UHRF2: variants seen among roughly 807,000 people sequenced by gnomAD.
UHRF2 encodes the protein ubiquitin like with PHD and ring finger domains 2.
A neutral mutation model predicts 96.8 loss-of-function variants in UHRF2; 23 were observed. That is an observed-to-expected ratio of 0.24 (90% CI 0.17 to 0.34). The LOEUF (loss-of-function observed/expected upper bound fraction) is 0.34, where lower values mean the gene tolerates loss of function less well. Among genes scored for constraint, UHRF2 ranks in the 10% least tolerant of loss-of-function variants. The probability of loss-of-function intolerance (pLI) is 1.00; values close to 1 mark genes in which losing one functional copy is unlikely to be tolerated. For missense variants in UHRF2, 685 were observed against 981.5 expected (o/e 0.70, Z 4.04); for synonymous variants, 385 against 332.6 (o/e 1.16, Z -1.72).
intron 5 of UHRF2, 110 bp downstream of exon 5, chr9:6,475,610 A>C (rs1439228354): frequency 4.2e-6 from 2 of 478,888 alleles, no homozygotes; most frequent in Non-Finnish European, 7.1e-6. Flanking sequence ...TAGACCATAC[A>C]AATTTATTTT....
intron 8 of UHRF2, among the ~76,000 whole-genome samples, chr9:6,483,136 G>A (rs1310928971): frequency 3.3e-5 from 5 of 151,560 alleles, no homozygotes; most frequent in African/African-American, 9.7e-5. Flanking sequence ...AACCAGCCTC[G>A]CCAACATGGT....
chr9:6,484,036 T>C (rs554154461), intron 8 of UHRF2, among the ~76,000 whole-genome samples: 1 of 151,940 alleles, frequency 6.6e-6, no homozygotes, highest in Admixed American at 6.6e-5. Flanking sequence ...AAAATTTTAG[T>C]TGTCTCCTAT....
At chr9:6,421,333 T>C (rs1431218575) in intron 2 of UHRF2, among the ~76,000 whole-genome samples, 191 bp downstream of exon 2, 2 of 152,228 alleles carry the variant, frequency 1.3e-5, no homozygotes, top group African/African-American at 2.4e-5. Context: ...GATGTATATG[T>C]ACAGTTTAAA....
Position 6,506,192 on chromosome 9 carries a change from C to G in UHRF2, c.*13C>G, listed in dbSNP as rs574203639. On this transcript the variant is annotated 3_prime_UTR_variant, in exon 16 of 16. Transcript: ENST00000276893. ...CAAAGGACGATGATCTGCCTGCTTT[C>G]ACTGTGTTGTTCATGGTGGCTTTTT... 1.9e-6 allele frequency: 3 copies of G among 1,613,674 alleles called. No homozygotes were observed. Among genetic ancestry groups the G allele is most frequent in the Non-Finnish European group, 2.5e-6 (3 of 1,179,808 alleles).
intron 2 of UHRF2, among the ~76,000 whole-genome samples, chr9:6,431,194 C>G (rs927896758): frequency 4.6e-5 from 7 of 152,276 alleles, no homozygotes; most frequent in African/African-American, 1.4e-4. Context: ...GTATGTCTAT[C>G]CAATGTGCAG....
At chr9:6,437,421 C>A (rs1389875907) in intron 3 of UHRF2, among the ~76,000 whole-genome samples, 1 of 151,926 alleles carries the variant, frequency 6.6e-6, no homozygotes, top group Non-Finnish European at 1.5e-5. Flanking sequence ...TTAGTAGATA[C>A]GGGGTTTCAC....
At chr9:6,424,422 T>C (rs927412013) in intron 2 of UHRF2, among the ~76,000 whole-genome samples, 2 of 152,240 alleles carry the variant, frequency 1.3e-5, no homozygotes, top group African/African-American at 4.8e-5. Context: ...GCCATTTTTT[T>C]CTATATTACT....
chr9:6,498,906 G>C (rs1484421790), intron 12 of UHRF2: 2 of 152,244 alleles, frequency 1.3e-5, no homozygotes, highest in East Asian at 3.8e-4. Context: ...CTATGGGCAA[G>C]TGTCTGACCA....
chr9:6,423,940 G>C (rs1019299510), intron 2 of UHRF2, among the ~76,000 whole-genome samples: 2 of 148,340 alleles, frequency 1.3e-5, no homozygotes, highest in African/African-American at 2.5e-5. Flanking sequence ...GTGAGACTCA[G>C]TATCAAAAAA....
intron 3 of UHRF2, among the ~76,000 whole-genome samples, chr9:6,457,350 T>A (rs1287442249): frequency 6.6e-6 from 1 of 152,148 alleles, no homozygotes; most frequent in East Asian, 1.9e-4. Context: ...TTTTTGCACA[T>A]TGATTTATAT....
At chr9:6,497,954 C>T (rs1195699868) in intron 11 of UHRF2, 64 bp from the exon 12 acceptor site, 5 of 1,579,116 alleles carry the variant, frequency 3.2e-6, no homozygotes, top group African/African-American at 1.4e-5. Flanking sequence ...ATTTTGATAC[C>T]ACTAATGTGA....
intron 3 of UHRF2, among the ~76,000 whole-genome samples, chr9:6,441,731 G>A (rs1322659043): frequency 1.3e-5 from 2 of 150,650 alleles, no homozygotes; most frequent in East Asian, 1.9e-4. Flanking sequence ...GTGGTTTGTG[G>A]CCGGTTTTTT....
At chr9:6,467,278 C>T (rs181598003) in intron 4 of UHRF2, among the ~76,000 whole-genome samples, 1 of 152,304 alleles carries the variant, frequency 6.6e-6, no homozygotes, top group East Asian at 1.9e-4. Flanking sequence ...TTCTCTTTGA[C>T]AGTTCTTTTT....
At chr9:6,488,484 GC>G (rs1018018253) in intron 9 of UHRF2, among the ~76,000 whole-genome samples, 2 of 146,150 alleles carry the variant, frequency 1.4e-5, no homozygotes, top group Non-Finnish European at 1.5e-5. Flanking sequence ...ATCAGACGTA[GC>G]CCCCCCACTG....
At chr9:6,452,872 A>G (rs1355920908) in intron 3 of UHRF2, among the ~76,000 whole-genome samples, 1 of 152,182 alleles carries the variant, frequency 6.6e-6, no homozygotes, top group African/African-American at 2.4e-5. Context: ...TAGAGTTGTC[A>G]CTGTATATTT....
intron 15 of UHRF2, 32 bp downstream of exon 15, chr9:6,504,723 T>G (rs1816493326): frequency 6.4e-7 from 1 of 1,556,734 alleles, no homozygotes; most frequent in South Asian, 1.1e-5. Context: ...CTTTCCCTGT[T>G]AGGTATGAAG....
At chr9:6,472,452 G>C (rs933034550) in intron 4 of UHRF2, among the ~76,000 whole-genome samples, 1 of 152,154 alleles carries the variant, frequency 6.6e-6, no homozygotes, top group African/African-American at 2.4e-5. Context: ...AGCCAAACTA[G>C]CCTTTAGTAT....
At chr9:6,454,555 G>A (rs2130828446) in intron 3 of UHRF2, among the ~76,000 whole-genome samples, 1 of 152,010 alleles carries the variant, frequency 6.6e-6, no homozygotes, top group South Asian at 2.1e-4. Context: ...AGTTAAAACT[G>A]CCCCCCAGCC....
chr9:6,486,985 A>G (rs887946365), intron 9 of UHRF2, 60 bp downstream of exon 9: 29 of 1,501,958 alleles, frequency 1.9e-5, no homozygotes, highest in Admixed American at 1.6e-4. Flanking sequence ...AAAATAGAAT[A>G]GCTTTGCCTA....
Sources: gnomAD v4.1 joint callset for allele counts (sites outside exome capture counted in the v4.1 genomes callset) on GRCh38, gnomAD v4.1.1 for gene constraint, MANE v1.5 for transcripts, NCBI Gene and HGNC (gene_info 2026-07-23, HGNC 2026-07-21) for gene names.